Variants in SLC9C2 observed in about 807,000 individuals in gnomAD.
SLC9C2 encodes the protein solute carrier family 9 member C2 (putative).
SLC9C2 carries 75 observed loss-of-function variants against 140.2 expected under a neutral mutation model. That is an observed-to-expected ratio of 0.53 (90% CI 0.44 to 0.65). SLC9C2 has a LOEUF of 0.65. SLC9C2 is among the 30% of genes least tolerant of loss of function. The pLI is 0.00. For synonymous variants in SLC9C2, 375 were observed against 420.9 expected, an observed-to-expected ratio of 0.89 and a Z score of 1.34; for missense variants, 1,074 against 1,331.8, an observed-to-expected ratio of 0.81 and a Z score of 3.01.
chr1:173,594,576 G>C (rs950446020), intron 4 of SLC9C2, among the ~76,000 whole-genome samples: 1 of 152,122 alleles, frequency 6.6e-6, no homozygotes, highest in African/African-American at 2.4e-5. Flanking sequence ...GTAGATGAGT[G>C]TAGAGAAGCA....
intron 3 of SLC9C2, among the ~76,000 whole-genome samples, chr1:173,598,720 G>A (rs1038494449): frequency 6.6e-6 from 1 of 152,160 alleles, no homozygotes; most frequent in Non-Finnish European, 1.5e-5. Context: ...GTTGCTGTGA[G>A]AGTGAATAAA....
At chr1:173,521,708 T>C (rs1026916712) in intron 21 of SLC9C2, among the ~76,000 whole-genome samples, 1 of 151,592 alleles carries the variant, frequency 6.6e-6, no homozygotes, top group African/African-American at 2.4e-5. Context: ...GATATAACTA[T>C]GGAATAAATA....
At chr1:173,597,211 A>G (rs1326132574) in intron 4 of SLC9C2, among the ~76,000 whole-genome samples, 1 of 152,066 alleles carries the variant, frequency 6.6e-6, no homozygotes, top group African/African-American at 2.4e-5. Context: ...ACAGTGTGAT[A>G]AGAGAAATAA....
chr1:173,581,207 G>C (rs965746711), intron 7 of SLC9C2, among the ~76,000 whole-genome samples: 1 of 152,170 alleles, frequency 6.6e-6, no homozygotes, highest in African/African-American at 2.4e-5. Flanking sequence ...AGTGGAATTT[G>C]ACAGTTTGGC....
chr1:173,599,885 T>C (rs1389417798), intron 3 of SLC9C2, among the ~76,000 whole-genome samples: 1 of 152,146 alleles, frequency 6.6e-6, no homozygotes, highest in African/African-American at 2.4e-5. Context: ...ATAACAACCG[T>C]CAGCCACCGC....
In SLC9C2 at chr1:173,534,503, A is replaced by G; in HGVS notation, c.1955T>C (p.Val652Ala). The G allele has an allele frequency of 6.3e-7, 1 of 1,579,118 alleles. No individual in the cohort carries two copies. The highest frequency in any genetic ancestry group is 8.6e-7 in the Non-Finnish European group (1 of 1,167,668). ...SINYYFMFLYVLESTLKIIIL... is the reference protein window; with the variant it reads ...SINYYFMFLYALESTLKIIIL... ...CAGTACCTTCAATGTTGATTCTAAT[A>G]CATATAAAAACATAAAATAGTAGTT... The change falls in exon 16 of 28, where the codon GTA becomes GCA. Residue 652 changes from valine to alanine, a missense_variant. Physicochemically the swap from Val to Ala is moderately conservative, Grantham distance 64. Transcript: ENST00000367714.
intron 18 of SLC9C2, among the ~76,000 whole-genome samples, chr1:173,527,943 A>G (rs16846122): frequency 0.048 from 7,277 of 152,214 alleles, 624 homozygotes; most frequent in African/African-American, 0.17. Flanking sequence ...CATTGCATCA[A>G]TATTGGGAAG....
rs577582796 is a variant in SLC9C2, at chr1:173,520,847, A to G, written c.2739+454T>C. 2.6e-5 allele frequency among the ~76,000 whole-genome samples: 4 copies of G among 152,342 alleles called. No individual in the cohort carries two copies. In the East Asian group the frequency reaches 5.8e-4, roughly 22 times the overall value. The stretch of plus-strand genomic sequence containing the variant: ...ATGGGGCTCACGCATGAAACCAGCT[A>G]CTAAACTACTGTTATGCAGATACAA... On this transcript the variant is annotated intron_variant, in intron 22 of 27. Coordinates refer to ENST00000367714, the MANE Select transcript of SLC9C2 (RefSeq NM_178527.4).
At chr1:173,577,159 G>A (rs1307727618) in intron 7 of SLC9C2, among the ~76,000 whole-genome samples, 6 of 152,144 alleles carry the variant, frequency 3.9e-5, no homozygotes, top group African/African-American at 1.2e-4. Flanking sequence ...ACCATTTTTA[G>A]CTAACAGGCA....
chr1:173,513,685 C>T (rs1489333394), intron 23 of SLC9C2, among the ~76,000 whole-genome samples: 13 of 152,156 alleles, frequency 8.5e-5, no homozygotes, highest in Non-Finnish European at 1.8e-4. Context: ...TATTTCTTGT[C>T]TTCCGCTAGC....
chr1:173,546,026 C>CTT (rs994983686), intron 13 of SLC9C2, among the ~76,000 whole-genome samples: 7 of 152,132 alleles, frequency 4.6e-5, no homozygotes, highest in African/African-American at 1.7e-4. Flanking sequence ...TTCACAAAGC[C>CTT]ACTTTTGCCA....
intron 9 of SLC9C2, among the ~76,000 whole-genome samples, chr1:173,561,175 T>C (rs1664077282): frequency 6.6e-6 from 1 of 152,184 alleles, no homozygotes; most frequent in Non-Finnish European, 1.5e-5. Context: ...ATTTTATCCC[T>C]CCAACTAGAA....
intron 10 of SLC9C2, 61 bp from the exon 11 acceptor site, chr1:173,554,875 T>A (rs1473289855): frequency 2.0e-6 from 2 of 999,858 alleles, no homozygotes; most frequent in African/African-American, 3.3e-5. Context: ...CCAAAAGCAA[T>A]CATTGTTCAA....
chr1:173,515,818 A>T (rs537740962), intron 23 of SLC9C2, among the ~76,000 whole-genome samples: 1 of 152,148 alleles, frequency 6.6e-6, no homozygotes, highest in East Asian at 1.9e-4. Flanking sequence ...TTGATCTTTG[A>T]GGCTGTTGAC....
intron 21 of SLC9C2, among the ~76,000 whole-genome samples, chr1:173,523,205 C>G (rs868362745): frequency 6.6e-5 from 10 of 152,034 alleles, no homozygotes; most frequent in African/African-American, 2.4e-4. Context: ...AACCCCGTCT[C>G]TACTGAAAAT....
intron 4 of SLC9C2, 125 bp from the exon 5 acceptor site, chr1:173,587,955 T>G (rs1353839014): frequency 1.5e-6 from 1 of 681,710 alleles, no homozygotes; most frequent in African/African-American, 1.8e-5. Context: ...AAGATAACTT[T>G]AAAAGGTATT....
chr1:173,548,339 C>G (rs760581617), intron 12 of SLC9C2, 50 bp downstream of exon 12: 1 of 1,553,426 alleles, frequency 6.4e-7, no homozygotes, highest in Non-Finnish European at 8.7e-7. Flanking sequence ...GCAAGTGAGG[C>G]AGACCAAGGG....
intron 8 of SLC9C2, among the ~76,000 whole-genome samples, chr1:173,574,758 T>C (rs1185270825): frequency 6.6e-6 from 1 of 151,914 alleles, no homozygotes; most frequent in Non-Finnish European, 1.5e-5. Context: ...GATTCGCCCG[T>C]CTTGGCCTCC....
intron 23 of SLC9C2, among the ~76,000 whole-genome samples, chr1:173,509,955 T>C (rs527833538): frequency 6.6e-6 from 1 of 152,298 alleles, no homozygotes; most frequent in South Asian, 2.1e-4. Flanking sequence ...TCAATAGATA[T>C]AATGAAGGAT....
Sources: allele counts gnomAD v4.1 joint callset (sites outside exome capture counted in the v4.1 genomes callset), GRCh38; gene constraint gnomAD v4.1.1; transcripts MANE v1.5; gene names NCBI Gene and HGNC (gene_info 2026-07-23, HGNC 2026-07-21).